The following ST3GAL3 variants were observed in gnomAD, a reference collection of about 807,000 sequenced individuals.
ST3GAL3 encodes the protein CMP-N-acetylneuraminate-beta-1,4-galactoside alpha-2,3-sialyltransferase.
ST3GAL3 carries 21 observed loss-of-function variants against 50.1 expected under a neutral mutation model. That is an observed-to-expected ratio of 0.42 (90% CI 0.30 to 0.60). ST3GAL3 has a LOEUF of 0.60. Among genes scored for constraint, ST3GAL3 ranks in the 20% least tolerant of loss-of-function variants. The pLI is 0.19. For missense variants in ST3GAL3, 353 were observed against 489.4 expected (o/e 0.72, Z 2.63); for synonymous variants, 183 against 190.0 (o/e 0.96, Z 0.30).
chr1:43,775,490 C>T (rs1026610652), intron 2 of ST3GAL3, among the ~76,000 whole-genome samples: 4 of 152,154 alleles, frequency 2.6e-5, no homozygotes, highest in African/African-American at 9.7e-5. Flanking sequence ...GCCTCAGCCT[C>T]CCAAAGTGCT....
intron 5 of ST3GAL3, among the ~76,000 whole-genome samples, chr1:43,861,959 C>T (rs557300412): frequency 1.2e-3 from 180 of 149,960 alleles, no homozygotes; most frequent in Non-Finnish European, 1.9e-3. Flanking sequence ...ACTCGGGAGG[C>T]GGAGGTTGCG....
At chr1:43,811,842 A>T (rs1370240764) in intron 3 of ST3GAL3, among the ~76,000 whole-genome samples, 1 of 151,706 alleles carries the variant, frequency 6.6e-6, no homozygotes, top group Non-Finnish European at 1.5e-5. Flanking sequence ...GCTCCCCACA[A>T]AGACGTTTTT....
rs746673329 is a variant in ST3GAL3, at chr1:43,899,127, G to T, written c.462-41G>T. ...AAGGAGCAGGGAAAGAGACCTGGTGGGCAGCTCTCTGTACAGAGGTCTCCG... is the reference window on the plus strand; with the variant it reads ...AAGGAGCAGGGAAAGAGACCTGGTGTGCAGCTCTCTGTACAGAGGTCTCCG... On this transcript the variant is annotated intron_variant, in intron 7 of 11. Coordinates refer to ENST00000347631, the MANE Select transcript of ST3GAL3 (RefSeq NM_006279.5). The surrounding 1 kb of genome is among the most constrained non-coding windows in gnomAD (Gnocchi z 5.4). 3 of 1,613,288 alleles carry T rather than the reference G, an allele frequency of 1.9e-6. No homozygotes were observed. Among genetic ancestry groups the T allele is most frequent in the Non-Finnish European group, 2.5e-6 (3 of 1,179,874 alleles).
intron 5 of ST3GAL3, among the ~76,000 whole-genome samples, chr1:43,861,778 C>T (rs867667003): frequency 5.9e-5 from 9 of 152,170 alleles, no homozygotes; most frequent in Non-Finnish European, 1.0e-4. Flanking sequence ...CCTGTAATCC[C>T]GGCACTTTGG....
chr1:43,815,833 A>G (rs961566824), intron 4 of ST3GAL3, among the ~76,000 whole-genome samples: 3 of 152,140 alleles, frequency 2.0e-5, no homozygotes, highest in Admixed American at 1.3e-4. Context: ...TAGCACCTAG[A>G]CAGTATTGGC....
chr1:43,868,460 T>G (rs2071849515), intron 5 of ST3GAL3, among the ~76,000 whole-genome samples: 1 of 152,164 alleles, frequency 6.6e-6, no homozygotes, highest in Non-Finnish European at 1.5e-5. Flanking sequence ...TTCCCTAGCT[T>G]TAGTCCCATA....
At chr1:43,715,342 A>G (rs1315982040) in intron 1 of ST3GAL3, among the ~76,000 whole-genome samples, 2 of 152,178 alleles carry the variant, frequency 1.3e-5, no homozygotes, top group African/African-American at 4.8e-5. Context: ...GGGAGGCTGA[A>G]GTAGGGGGAT....
chr1:43,736,672 C>A (rs1000785641), intron 2 of ST3GAL3: 1 of 486,640 alleles, frequency 2.1e-6, no homozygotes, highest in African/African-American at 1.9e-5. Flanking sequence ...AGTTCTTGAA[C>A]GCTTTTGTTC....
At chr1:43,785,236 G>T (rs1418765821) in intron 2 of ST3GAL3, among the ~76,000 whole-genome samples, 2 of 152,176 alleles carry the variant, frequency 1.3e-5, no homozygotes, top group Non-Finnish European at 2.9e-5. Context: ...CAAGTTAAGG[G>T]CTCTTTCATA....
At chr1:43,728,244 G>T (rs1389489824) in intron 1 of ST3GAL3, among the ~76,000 whole-genome samples, 1 of 152,066 alleles carries the variant, frequency 6.6e-6, no homozygotes, top group Non-Finnish European at 1.5e-5. Flanking sequence ...TGTTAGTGGA[G>T]AATAGTATTT....
At chr1:43,788,014 C>T (rs1031746311) in intron 2 of ST3GAL3, among the ~76,000 whole-genome samples, 10 of 152,118 alleles carry the variant, frequency 6.6e-5, no homozygotes, top group African/African-American at 2.4e-4. Context: ...GCATTGGTAC[C>T]AGTGAGTTGG....
intron 4 of ST3GAL3, among the ~76,000 whole-genome samples, chr1:43,835,023 A>C (rs567875186): frequency 6.6e-6 from 1 of 152,248 alleles, no homozygotes; most frequent in East Asian, 1.9e-4. Context: ...CAGCCTGTCC[A>C]TCTGGATTTC....
chr1:43,902,168 T>C (rs1313735789), intron 9 of ST3GAL3, among the ~76,000 whole-genome samples: 1 of 152,196 alleles, frequency 6.6e-6, no homozygotes, highest in Non-Finnish European at 1.5e-5. Context: ...CCTGCTCCTG[T>C]AGGGATGTTT....
intron 9 of ST3GAL3, among the ~76,000 whole-genome samples, chr1:43,917,517 T>TGTATTATATATA (rs2082108676): frequency 1.4e-5 from 1 of 71,448 alleles, no homozygotes; most frequent in African/African-American, 5.1e-5. Context: ...TATAATATAA[T>TGTATTATATATA]ATATATTATA....
chr1:43,874,734 G>A (rs1481722120), intron 5 of ST3GAL3, among the ~76,000 whole-genome samples: 3 of 152,288 alleles, frequency 2.0e-5, no homozygotes, highest in Non-Finnish European at 4.4e-5. Context: ...ACAAATGCAC[G>A]CAAGTAGTGA....
At chr1:43,864,660 G>A (rs1356506517) in intron 5 of ST3GAL3, among the ~76,000 whole-genome samples, 1 of 152,206 alleles carries the variant, frequency 6.6e-6, no homozygotes, top group East Asian at 1.9e-4. Context: ...GTCATTGCCT[G>A]AAATGGGGAG....
chr1:43,731,271 G>A (rs1297585893), intron 1 of ST3GAL3, among the ~76,000 whole-genome samples: 1 of 152,052 alleles, frequency 6.6e-6, no homozygotes, highest in African/African-American at 2.4e-5. Flanking sequence ...GAGTGCAGTG[G>A]CACGATTTCG....
At chr1:43,816,124 C>G (rs971276249) in intron 4 of ST3GAL3, among the ~76,000 whole-genome samples, 8 of 152,190 alleles carry the variant, frequency 5.3e-5, no homozygotes, top group African/African-American at 2.4e-5. Flanking sequence ...GTGTCCCCTG[C>G]CCTGTACCAG....
chr1:43,719,021 T>G (rs970961020), intron 1 of ST3GAL3: 1 of 152,142 alleles, frequency 6.6e-6, no homozygotes, highest in East Asian at 1.9e-4. Context: ...ACCTGGCCAG[T>G]GACAAAGTAT....
Sources: gnomAD v4.1 joint callset for allele counts (sites outside exome capture counted in the v4.1 genomes callset) on GRCh38, gnomAD v4.1.1 for gene constraint, Gnocchi (gnomAD v3.1) non-coding constraint, MANE v1.5 for transcripts, NCBI Gene and HGNC (gene_info 2026-07-23, HGNC 2026-07-21) for gene names.